FH: variants seen among roughly 807,000 people sequenced by gnomAD.
The protein encoded by FH is fumarate hydratase, also known as fumarate hydratase, mitochondrial.
FH carries 22 observed loss-of-function variants against 49.4 expected under a neutral mutation model. That is an observed-to-expected ratio of 0.45 (90% CI 0.32 to 0.64). The LOEUF (loss-of-function observed/expected upper bound fraction) is 0.64. FH is among the 30% of genes least tolerant of loss of function. FH has a pLI of 0.05. For missense variants in FH, 526 were observed against 641.5 expected (o/e 0.82, Z 1.95); for synonymous variants, 208 against 223.0 (o/e 0.93, Z 0.60).
At chr1:241,500,332 A>C in intron 9 of FH, 105 bp downstream of exon 9, 5 of 1,119,040 alleles carry the variant, frequency 4.5e-6, no homozygotes, top group Non-Finnish European at 6.7e-6. Context: ...AACCATATTC[A>C]AAAGAAATTT....
intron 8 of FH, 69 bp downstream of exon 8, chr1:241,502,372 CTT>C: frequency 1.3e-6 from 2 of 1,584,462 alleles, no homozygotes; most frequent in Non-Finnish European, 1.7e-6. Flanking sequence ...CACTAGAAGT[CTT>C]TATGAAATAC....
intron 1 of FH, 25 bp from the exon 2 acceptor site, chr1:241,517,341 T>C (rs1660247450): frequency 1.9e-6 from 3 of 1,613,428 alleles, no homozygotes; most frequent in Non-Finnish European, 2.5e-6. Flanking sequence ...ACAACACTAT[T>C]ACAAGTTGAA....
At position 241,502,428 on chromosome 1, in the gene FH, A is replaced by G; in HGVS notation, c.1236+15T>C. Reference sequence around the variant, plus strand: ...CTTTGGTCAAAAAACATTAAAAATCAGATTTAAAGCTTACCATCATTGGCT... The same window carrying G: ...CTTTGGTCAAAAAACATTAAAAATCGGATTTAAAGCTTACCATCATTGGCT... On this transcript the variant is annotated intron_variant, in intron 8 of 9. Transcript: ENST00000366560. The G allele has an allele frequency of 2.5e-6, 4 of 1,613,940 alleles. No homozygotes were observed. The highest frequency in any genetic ancestry group is 3.4e-6 in the Non-Finnish European group (4 of 1,179,864).
rs190052479 is a variant in FH at position 241,500,139 on chromosome 1, A to G, written c.1390+298T>C. Among the ~76,000 whole-genome samples, 5 of 152,280 alleles carry G rather than the reference A, an allele frequency of 3.3e-5. No individual in the cohort carries two copies. The South Asian group carries it at 6.2e-4, about 19-fold the overall frequency. ...AAGGTCTTACAAATAACCTTCCCCA[A>G]TGGTCTGCATAGAATATTTGGCGTC... On this transcript the variant is annotated intron_variant, in intron 9 of 9. Coordinates refer to ENST00000366560, the MANE Select transcript of FH (RefSeq NM_000143.4).
intron 1 of FH, 128 bp downstream of exon 1, chr1:241,519,463 A>G (rs2147926681): frequency 8.6e-7 from 1 of 1,167,736 alleles, no homozygotes; most frequent in Non-Finnish European, 1.1e-6. Flanking sequence ...CACGGGCGCT[A>G]AGCCCAGAGT....
chr1:241,513,591 A>C lies in FH; in HGVS notation c.378+12T>G. On this transcript the variant is annotated intron_variant, in intron 3 of 9. Coordinates refer to ENST00000366560, the MANE Select transcript of FH (RefSeq NM_000143.4). ...CTGAGGTTATTAAGCAAACACACTT[A>C]TCACCTCCTACCTCATCTGCTGCCT... 49 of 1,541,898 alleles carry C rather than the reference A, an allele frequency of 3.2e-5. No homozygotes were observed. The highest frequency in any genetic ancestry group is 1.7e-4 in the Middle Eastern group (1 of 5,926).
intron 6 of FH, among the ~76,000 whole-genome samples, chr1:241,504,954 G>A (rs1177162855): frequency 6.6e-6 from 1 of 150,616 alleles, no homozygotes; most frequent in African/African-American, 2.4e-5. Flanking sequence ...TTTTAGCCAG[G>A]CTGGAGGGCA....
chr1:241,511,555 GTTT>G (rs910836114), intron 4 of FH, among the ~76,000 whole-genome samples: 1 of 146,886 alleles, frequency 6.8e-6, no homozygotes, highest in South Asian at 2.2e-4. Context: ...TCAGTTTTTT[GTTT>G]TTTTTTTAAA....
At chr1:241,505,866 C>A (rs1659915759) in intron 6 of FH, 137 bp downstream of exon 6, 3 of 867,554 alleles carry the variant, frequency 3.5e-6, no homozygotes, top group Non-Finnish European at 5.5e-6. Context: ...CAGAAATATA[C>A]TTAAAACACA....
At chr1:241,506,330 G>A (rs1429553245) in intron 5 of FH, among the ~76,000 whole-genome samples, 162 bp from the exon 6 acceptor site, 1 of 152,212 alleles carries the variant, frequency 6.6e-6, no homozygotes, top group Non-Finnish European at 1.5e-5. Context: ...GATGAGCAAA[G>A]TATAGGGAAG....
At chr1:241,502,154 A>G (rs1659797528) in intron 8 of FH, among the ~76,000 whole-genome samples, 1 of 152,148 alleles carries the variant, frequency 6.6e-6, no homozygotes. Flanking sequence ...TTCCAAGAAG[A>G]CTGAATTTGA....
At chr1:241,498,712 T>TATATATAC (rs1659689159) in intron 9 of FH, among the ~76,000 whole-genome samples, 2 of 76,008 alleles carry the variant, frequency 2.6e-5, no homozygotes, top group African/African-American at 1.2e-4. Flanking sequence ...TATATATATA[T>TATATATAC]ATATATATAT....
At chr1:241,517,979 A>T (rs1660264375) in intron 1 of FH, among the ~76,000 whole-genome samples, 1 of 152,192 alleles carries the variant, frequency 6.6e-6, no homozygotes, top group African/African-American at 2.4e-5. Context: ...TCTCCACTAA[A>T]GACAAGAATA....
chr1:241,512,840 A>G (rs1465872926), intron 3 of FH, among the ~76,000 whole-genome samples: 1 of 152,094 alleles, frequency 6.6e-6, no homozygotes, highest in Non-Finnish European at 1.5e-5. Flanking sequence ...AACAGTCACT[A>G]TAGTTCTATT....
rs1660323820 is a variant in FH, at chr1:241,519,701, G to C, written c.22C>G (p.Leu8Val). Reference sequence around the variant, plus strand: ...CGCACGAGGGGACGCGAGCGCGCGAGGAGCCGAAGTGCTCGGTACATGGTG... The same window carrying C: ...CGCACGAGGGGACGCGAGCGCGCGACGAGCCGAAGTGCTCGGTACATGGTG... MYRALRL[L>V]ARSRPLVRAP... Residue 8 changes from leucine to valine, a missense_variant, in exon 1 of 10, where the codon CTC becomes GTC. Transcript: ENST00000366560. The C allele has an allele frequency of 6.5e-7, 1 of 1,546,848 alleles. No homozygotes were observed. The highest frequency in any genetic ancestry group is 1.2e-5 in the South Asian group (1 of 83,700).
intron 8 of FH, among the ~76,000 whole-genome samples, chr1:241,501,311 G>A (rs896732649): frequency 5.3e-5 from 8 of 152,166 alleles, no homozygotes; most frequent in South Asian, 2.1e-4. Flanking sequence ...GTTTTAATTT[G>A]CTACTAATGA....
In FH at chr1:241,506,222, G is replaced by A. The variant is rs1325577601; in HGVS notation, c.739-54C>T. ...ATAAGTAATTCCTAATAGCTTACAA[G>A]TTACTCTAACTGCATTAAATAGAAA... is the stretch of plus-strand genomic sequence containing the variant. On this transcript the variant is annotated intron_variant, in intron 5 of 9. Transcript: ENST00000366560. 5.2e-6 allele frequency: 7 copies of A among 1,353,106 alleles called. No homozygotes were observed. In the African/African-American group the frequency reaches 1.0e-4, roughly 20 times the overall value. The allele number at this position is 1,353,106 out of a possible 1,614,324, so 83.8% of individuals were successfully genotyped here.
At chr1:241,502,639 C>T in intron 7 of FH, 69 bp from the exon 8 acceptor site, 3 of 1,527,194 alleles carry the variant, frequency 2.0e-6, no homozygotes, top group Middle Eastern at 1.7e-4. Flanking sequence ...ATAAAGAAAT[C>T]TAATTTCACT....
intron 7 of FH, among the ~76,000 whole-genome samples, chr1:241,503,780 C>CGCGCTGATCACTTTAACA (rs1454294494): frequency 1.3e-5 from 2 of 152,232 alleles, no homozygotes; most frequent in African/African-American, 2.4e-5. Context: ...TTATTCAACC[C>CGCGCTGATCACTTTAACA]GCGCTGATCA....
Sources: allele counts gnomAD v4.1 joint callset (sites outside exome capture counted in the v4.1 genomes callset), GRCh38; gene constraint gnomAD v4.1.1; transcripts MANE v1.5; gene names NCBI Gene and HGNC (gene_info 2026-07-23, HGNC 2026-07-21).